RAPGEF1: variants seen among roughly 807,000 people sequenced by gnomAD.
RAPGEF1 encodes the protein Rap guanine nucleotide exchange factor 1.
In RAPGEF1, 33 loss-of-function variants were observed where a neutral mutation model predicts 143.3. That is an observed-to-expected ratio of 0.23 (90% CI 0.17 to 0.31). The LOEUF is 0.31. Ranked by LOEUF, RAPGEF1 falls within the 10% of genes least tolerant of loss-of-function variation. RAPGEF1 has a pLI of 1.00. For missense variants in RAPGEF1, 1,199 were observed against 1,645.4 expected (o/e 0.73, Z 4.69); for synonymous variants, 629 against 676.5 (o/e 0.93, Z 1.09).
intron 1 of RAPGEF1, among the ~76,000 whole-genome samples, chr9:131,689,273 T>C (rs1332934445): frequency 1.3e-5 from 2 of 152,244 alleles, no homozygotes; most frequent in African/African-American, 2.4e-5. Flanking sequence ...AGCTGAGTTC[T>C]TCTGAGAATC....
Position 131,628,117 on chromosome 9 carries a change from C to T in RAPGEF1, c.1018-21G>A, listed in dbSNP as rs1963794920. 2 of 1,511,788 alleles carry T rather than the reference C, an allele frequency of 1.3e-6. No homozygotes were observed. Among genetic ancestry groups the T allele is most frequent in the East Asian group, 4.8e-5 (2 of 41,250 alleles). The allele number at this position is 1,511,788 out of a possible 1,614,324, so 93.6% of individuals were successfully genotyped here. A position where few individuals can be genotyped will look rare whatever the true frequency, so the allele number is the denominator to read the frequency against. Reference sequence around the variant, plus strand: ...AAATCCTCAAGTGGAAAAAGAAAAACAAAGCCAAATCACTTCTGAGAAACG... The same window carrying T: ...AAATCCTCAAGTGGAAAAAGAAAAATAAAGCCAAATCACTTCTGAGAAACG... On this transcript the variant is annotated intron_variant, in intron 8 of 26. Coordinates refer to ENST00000683357, the MANE Select transcript of RAPGEF1 (RefSeq NM_001377935.1). The surrounding 1 kb of genome is among the most constrained non-coding windows in gnomAD (Gnocchi z 5.7).
chr9:131,703,822 T>C (rs2131142849), intron 1 of RAPGEF1, among the ~76,000 whole-genome samples: 1 of 152,120 alleles, frequency 6.6e-6, no homozygotes, highest in South Asian at 2.1e-4. Context: ...CTGCAAAGGG[T>C]CCTTCAAGAC....
chr9:131,701,563 T>C (rs948271258), intron 1 of RAPGEF1, among the ~76,000 whole-genome samples: 4 of 152,248 alleles, frequency 2.6e-5, no homozygotes, highest in African/African-American at 9.6e-5. Context: ...GTTATTATTG[T>C]ATCATTGTTA....
At chr9:131,718,805 G>C (rs960096618) in intron 1 of RAPGEF1, among the ~76,000 whole-genome samples, 3 of 152,132 alleles carry the variant, frequency 2.0e-5, no homozygotes, top group Admixed American at 6.5e-5. Flanking sequence ...ATTTGAGAAG[G>C]ACCAGTGTTT....
intron 19 of RAPGEF1, 56 bp from the exon 20 acceptor site, chr9:131,589,042 C>T (rs752020169): frequency 8.5e-5 from 131 of 1,545,822 alleles, no homozygotes; most frequent in Non-Finnish European, 1.1e-4. Context: ...CAGGCAGAGT[C>T]TGTCTTTGCC....
intron 12 of RAPGEF1, 51 bp from the exon 13 acceptor site, chr9:131,605,239 G>A: frequency 8.2e-7 from 1 of 1,220,940 alleles, no homozygotes; most frequent in Admixed American, 3.0e-5. Context: ...AAGAAGAAAA[G>A]AGAAAAAGTA....
chr9:131,632,133 CTT>C (rs751438145), intron 5 of RAPGEF1, among the ~76,000 whole-genome samples: 3 of 144,376 alleles, frequency 2.1e-5, no homozygotes, highest in Non-Finnish European at 3.1e-5. Flanking sequence ...GAGACTCTCT[CTT>C]TTTTTTTTTT....
intron 5 of RAPGEF1, among the ~76,000 whole-genome samples, chr9:131,631,972 G>A (rs1053943459): frequency 6.6e-6 from 1 of 152,188 alleles, no homozygotes; most frequent in Non-Finnish European, 1.5e-5. Flanking sequence ...TTAAATATTT[G>A]CATTATGAGA....
chr9:131,605,740 C>T (rs1957018706), intron 12 of RAPGEF1, among the ~76,000 whole-genome samples: 1 of 148,836 alleles, frequency 6.7e-6, no homozygotes, highest in Non-Finnish European at 1.5e-5. Flanking sequence ...CTCTTCCTAC[C>T]CCATTTTTTT....
At chr9:131,712,264 C>A (rs1248934879) in intron 1 of RAPGEF1, among the ~76,000 whole-genome samples, 1 of 152,148 alleles carries the variant, frequency 6.6e-6, no homozygotes, top group African/African-American at 2.4e-5. Flanking sequence ...CTAACAGTTG[C>A]ACAGCAGAAT....
Position 131,579,342 on chromosome 9 carries a change from G to T in RAPGEF1, c.*155C>A. ...GAAGGAGGCAGGAAGCGGCTGGCAG[G>T]CTCCAGCTCCCGCCCGGCCCCGCTG... is the stretch of plus-strand genomic sequence containing the variant. On this transcript the variant is annotated 3_prime_UTR_variant, in exon 27 of 27. Coordinates refer to ENST00000683357, the MANE Select transcript of RAPGEF1 (RefSeq NM_001377935.1). 3 of 1,060,792 alleles carry T rather than the reference G, an allele frequency of 2.8e-6. No homozygotes were observed. Among genetic ancestry groups the T allele is most frequent in the East Asian group, 2.5e-5 (1 of 40,474 alleles). The allele number at this position is 1,060,792 out of a possible 1,614,324, so 65.7% of individuals were successfully genotyped here.
chr9:131,643,066 C>G (rs1314680329), intron 4 of RAPGEF1, among the ~76,000 whole-genome samples, 173 bp downstream of exon 4: 1 of 152,120 alleles, frequency 6.6e-6, no homozygotes, highest in Non-Finnish European at 1.5e-5. Context: ...GACCTCAACT[C>G]TGAGATGGCA....
At chr9:131,605,360 C>T (rs889539399) in intron 12 of RAPGEF1, among the ~76,000 whole-genome samples, 172 bp from the exon 13 acceptor site, 5 of 152,204 alleles carry the variant, frequency 3.3e-5, no homozygotes, top group Admixed American at 3.3e-4. Flanking sequence ...GATACCCACA[C>T]CCAGCACCTC....
At chr9:131,686,255 G>A (rs1833340849) in intron 1 of RAPGEF1, among the ~76,000 whole-genome samples, 1 of 152,104 alleles carries the variant, frequency 6.6e-6, no homozygotes, top group African/African-American at 2.4e-5. Flanking sequence ...TAACTAAATG[G>A]GTATGGCTGT....
At chr9:131,720,060 A>G (rs1836158326) in intron 1 of RAPGEF1, among the ~76,000 whole-genome samples, 1 of 151,766 alleles carries the variant, frequency 6.6e-6, no homozygotes, top group Admixed American at 6.6e-5. Context: ...TAATTTTTGT[A>G]TTTTTAGTAG....
intron 1 of RAPGEF1, among the ~76,000 whole-genome samples, chr9:131,663,244 A>T (rs1055206272): frequency 1.3e-5 from 2 of 152,228 alleles, no homozygotes; most frequent in African/African-American, 4.8e-5. Flanking sequence ...TCTCTATCAC[A>T]GAAACACACA....
intron 1 of RAPGEF1, among the ~76,000 whole-genome samples, chr9:131,707,852 A>T (rs1835192678): frequency 6.6e-6 from 1 of 152,228 alleles, no homozygotes. Flanking sequence ...CAGCATGACT[A>T]TTCAAAAAAG....
chr9:131,650,660 A>T lies in RAPGEF1; in HGVS notation c.201+150T>A. On this transcript the variant is annotated intron_variant, in intron 2 of 26. Coordinates refer to ENST00000683357, the MANE Select transcript of RAPGEF1 (RefSeq NM_001377935.1). The surrounding 1 kb of genome is among the most constrained non-coding windows in gnomAD (Gnocchi z 4.7). The stretch of plus-strand genomic sequence containing the variant: ...TCACCATCCTAATGGTTCTTATTTT[A>T]CAAGGACACCAAAGGTCCCGCCCAT... 8.2e-7 allele frequency: 1 copy of T among 1,214,210 alleles called. No individual in the cohort carries two copies. Among genetic ancestry groups the T allele is most frequent in the Non-Finnish European group, 1.2e-6 (1 of 866,044 alleles). 75.2% of individuals were successfully genotyped at this position (1,214,210 alleles called of 1,614,324 possible). A position where few individuals can be genotyped will look rare whatever the true frequency, so the allele number is the denominator to read the frequency against.
At chr9:131,700,916 A>C (rs1465687112) in intron 1 of RAPGEF1, among the ~76,000 whole-genome samples, 1 of 152,158 alleles carries the variant, frequency 6.6e-6, no homozygotes, top group East Asian at 1.9e-4. Context: ...ATGGGTATCT[A>C]CATAATAGTC....
Sources: allele counts gnomAD v4.1 joint callset (sites outside exome capture counted in the v4.1 genomes callset), GRCh38; gene constraint gnomAD v4.1.1; non-coding constraint Gnocchi (gnomAD v3.1); transcripts MANE v1.5; gene names NCBI Gene and HGNC (gene_info 2026-07-23, HGNC 2026-07-21).